The following ZNF600 variants were observed in gnomAD, a reference collection of about 807,000 sequenced individuals.
The protein encoded by ZNF600 is zinc finger protein 600, also known as zinc finger protein KR-ZNF1.
Under a neutral mutation model 7.3 loss-of-function variants are expected in ZNF600, and 4 were observed. That is an observed-to-expected ratio of 0.55 (90% CI 0.27 to 1.25). The LOEUF is 1.25. Among genes scored for constraint, ZNF600 ranks in the 50% most tolerant of loss-of-function variants. ZNF600 has a pLI of 0.12. For synonymous variants in ZNF600, 290 were observed against 308.9 expected (o/e 0.94, Z 0.64); for missense variants, 911 against 922.1 (o/e 0.99, Z 0.16).
chr19:52,766,126 G>A, exon 4 of ZNF600: 1 of 1,614,116 alleles, frequency 6.2e-7, no homozygotes, highest in Non-Finnish European at 8.5e-7. Flanking sequence ...AGTCTACGAT[G>A]GCAATGAAGG....
chr19:52,804,442 C>T, the ZNF600 span, among the ~76,000 whole-genome samples: 2,171 of 152,218 alleles, frequency 0.014, 56 homozygotes, highest in African/African-American at 0.05. Context: ...GTGATCTTGG[C>T]GCACTGCAAC....
intron 1 of ZNF600, among the ~76,000 whole-genome samples, chr19:52,784,894 A>AT (rs911954878): frequency 1.3e-5 from 2 of 150,208 alleles, no homozygotes; most frequent in Non-Finnish European, 1.5e-5. Flanking sequence ...ACCCGGTTAA[A>AT]TTTTTTTTTT....
At chr19:52,789,930 C>T (rs564606711), upstream of ZNF600, among the ~76,000 whole-genome samples, 95 of 151,868 alleles carry the variant, frequency 6.3e-4, no homozygotes, top group African/African-American at 2.1e-3. Flanking sequence ...TAAAGGAAAA[C>T]TACAGTCAAA....
chr19:52,807,931 A>G, the ZNF600 span: 6 of 1,601,288 alleles, frequency 3.7e-6, no homozygotes, highest in Non-Finnish European at 4.3e-6. Context: ...TAGTCAAGTA[A>G]GGATGTGGCT....
At chr19:52,815,266 A>G in the ZNF600 span, among the ~76,000 whole-genome samples, 5 of 145,458 alleles carry the variant, frequency 3.4e-5, 1 homozygote, top group African/African-American at 5.4e-5. Flanking sequence ...CTGTAATCTC[A>G]GCACTTTGGG....
upstream of ZNF600, among the ~76,000 whole-genome samples, chr19:52,789,845 G>A (rs2062786815): frequency 6.6e-6 from 1 of 152,220 alleles, no homozygotes; most frequent in Non-Finnish European, 1.5e-5. Context: ...TCACCTGGGT[G>A]CAGGCGGGCT....
the ZNF600 span, chr19:52,800,936 T>A: frequency 6.2e-7 from 1 of 1,614,168 alleles, no homozygotes; most frequent in Non-Finnish European, 8.5e-7. Flanking sequence ...CTTTGTCACA[T>A]TCTTCACATT....
At chr19:52,764,196 T>G (rs1018890435), downstream of ZNF600, 56 of 152,110 alleles carry the variant, frequency 3.7e-4, no homozygotes, top group African/African-American at 1.3e-3. Flanking sequence ...TTTTTAATGT[T>G]TTTTTTTAAT....
At chr19:52,807,897 T>G in the ZNF600 span, 12 of 1,538,530 alleles carry the variant, frequency 7.8e-6, no homozygotes, top group Non-Finnish European at 9.7e-6. Context: ...GCTTTTCATT[T>G]CAAAATCAAT....
the ZNF600 span, among the ~76,000 whole-genome samples, chr19:52,806,360 A>G: frequency 6.6e-6 from 1 of 152,078 alleles, no homozygotes; most frequent in South Asian, 2.1e-4. Flanking sequence ...CGCCTGGCTA[A>G]TTTTTGTAAC....
chr19:52,778,758 G>C (rs1385444853), intron 2 of ZNF600, 68 bp downstream of exon 4: 41 of 1,538,748 alleles, frequency 2.7e-5, no homozygotes, highest in Non-Finnish European at 3.5e-5. Flanking sequence ...GAAAAGACTG[G>C]CTGCTACAAT....
the ZNF600 span, among the ~76,000 whole-genome samples, chr19:52,811,723 C>T: frequency 2.7e-5 from 4 of 149,390 alleles, 1 homozygote; most frequent in African/African-American, 1.0e-4. Flanking sequence ...AAGTGAGGAG[C>T]GTCTCCGCCC....
the ZNF600 span, among the ~76,000 whole-genome samples, chr19:52,829,554 A>G: frequency 2.0e-5 from 3 of 151,292 alleles, no homozygotes; most frequent in African/African-American, 7.3e-5. Flanking sequence ...TTGTATTTGT[A>G]GTAGAGATGG....
the ZNF600 span, among the ~76,000 whole-genome samples, chr19:52,829,119 C>T: frequency 6.6e-6 from 1 of 151,778 alleles, no homozygotes; most frequent in African/African-American, 2.4e-5. Context: ...CCGCCTCGGC[C>T]TCCCAAAGTG....
the ZNF600 span, among the ~76,000 whole-genome samples, chr19:52,824,505 C>T: frequency 5.9e-5 from 9 of 151,940 alleles, no homozygotes; most frequent in African/African-American, 1.7e-4. Flanking sequence ...TGTGGTGGTG[C>T]GCGCCTGTAG....
intron 2 of ZNF600, among the ~76,000 whole-genome samples, chr19:52,777,973 T>C (rs1433310691): frequency 2.0e-5 from 3 of 152,130 alleles, no homozygotes; most frequent in African/African-American, 7.2e-5. Flanking sequence ...AATTGTACCA[T>C]TGTACTCCAG....
chr19:52,812,471 A>G, the ZNF600 span, among the ~76,000 whole-genome samples: 1 of 122,746 alleles, frequency 8.1e-6, no homozygotes, highest in Non-Finnish European at 1.7e-5. Flanking sequence ...CTTATCCCCA[A>G]CCCTGTGCTC....
At chr19:52,765,432 T>C in exon 4 of ZNF600, 1 of 1,176,664 alleles carries the variant, frequency 8.5e-7, no homozygotes, top group South Asian at 1.3e-5. Flanking sequence ...GTAAGGTTTC[T>C]CTCCAGTATG....
At chr19:52,806,489 C>T in the ZNF600 span, among the ~76,000 whole-genome samples, 8 of 152,036 alleles carry the variant, frequency 5.3e-5, no homozygotes, top group East Asian at 1.2e-3. Context: ...CCACTGCACA[C>T]GTCCAGGTTA....
Sources: allele counts gnomAD v4.1 joint callset (sites outside exome capture counted in the v4.1 genomes callset), GRCh38; gene constraint gnomAD v4.1.1; transcripts MANE v1.5; gene names NCBI Gene and HGNC (gene_info 2026-07-23, HGNC 2026-07-21).